The following HMCN1 variants were observed in gnomAD, a reference collection of about 807,000 sequenced individuals.
HMCN1 encodes hemicentin-1.
A neutral mutation model predicts 625.9 loss-of-function variants in HMCN1; 321 were observed. The observed-to-expected ratio is 0.51, with a 90% CI of 0.47 to 0.56. HMCN1 has a LOEUF of 0.56. Among genes scored for constraint, HMCN1 ranks in the 20% least tolerant of loss-of-function variants. The pLI is 0.00. For missense variants in HMCN1, 6,588 were observed against 6,887.3 expected, an observed-to-expected ratio of 0.96 and a Z score of 1.54; for synonymous variants, 2,425 against 2,417.6, an observed-to-expected ratio of 1.00 and a Z score of -0.09.
chr1:186,015,526 G>C (rs1046298208), intron 31 of HMCN1, 89 bp downstream of exon 31: 13 of 1,298,802 alleles, frequency 1.0e-5, no homozygotes, highest in Admixed American at 5.1e-5. Context: ...ATAGTCCTTG[G>C]TGGGTTTGTC....
chr1:186,103,668 G>C lies in HMCN1; in HGVS notation c.10770G>C (p.Gln3590His), dbSNP rs910173796. Reference protein sequence around the residue: ...GGEVLRISTAQVEDTGRYTCL... With the variant: ...GGEVLRISTAHVEDTGRYTCL... ...AGGTTCTTCGAATTTCTACTGCTCAGGTAAGTGTCAAAGTTCATAGAATTA... is the reference window on the plus strand; with the variant it reads ...AGGTTCTTCGAATTTCTACTGCTCACGTAAGTGTCAAAGTTCATAGAATTA... The change falls in exon 69 of 107, where the codon CAG (glutamine) becomes CAC (histidine). Residue 3590 changes from glutamine to histidine, a missense_variant and splice_region_variant. By Grantham distance (24) the Gln-to-His change is conservative (BLOSUM62 0). This residue lies in a region of HMCN1 where 4,628 missense variants were observed against 4,853.1 expected (regional missense o/e 0.95). Transcript: ENST00000271588. The C allele has an allele frequency of 6.2e-7, 1 of 1,612,760 alleles. No individual in the cohort carries two copies. Among genetic ancestry groups the C allele is most frequent in the African/African-American group, 1.3e-5 (1 of 74,880 alleles).
At chr1:185,786,347 A>G (rs1179396845) in intron 1 of HMCN1, among the ~76,000 whole-genome samples, 1 of 152,114 alleles carries the variant, frequency 6.6e-6, no homozygotes, top group Admixed American at 6.6e-5. Context: ...TTGTTTTCCC[A>G]TTAATGTTGA....
Position 186,190,731 on chromosome 1 carries a change from C to G in HMCN1, c.*853C>G, listed in dbSNP as rs1653674828. 1 of 196,398 alleles carries G rather than the reference C, an allele frequency of 5.1e-6. No homozygotes were observed. 12.2% of individuals were successfully genotyped at this position (196,398 alleles called of 1,614,324 possible). Reference sequence around the variant, plus strand: ...TGGTTTTTTAAAAATCTCATGTGTTCAAATTAACATAAATATTACACGTCA... The same window carrying G: ...TGGTTTTTTAAAAATCTCATGTGTTGAAATTAACATAAATATTACACGTCA... On this transcript the variant is annotated 3_prime_UTR_variant, in exon 107 of 107. Transcript: ENST00000271588.
Position 186,048,289 on chromosome 1 carries a change from G to A in HMCN1, c.6481-454G>A, listed in dbSNP as rs138659199. Among the ~76,000 whole-genome samples the A allele has an allele frequency of 5.9e-5, 9 of 152,238 alleles. No homozygotes were observed. The East Asian group carries it at 1.7e-3, about 29-fold the overall frequency. ...GCACCAAACTGGGTAGTAGAAGAAT[G>A]AGGCTAATGTAATATAATACTTAGC... On this transcript the variant is annotated intron_variant, in intron 41 of 106. Coordinates refer to ENST00000271588, the MANE Select transcript of HMCN1 (RefSeq NM_031935.3).
intron 1 of HMCN1, among the ~76,000 whole-genome samples, chr1:185,814,767 C>G (rs1659742203): frequency 6.7e-6 from 1 of 149,500 alleles, no homozygotes; most frequent in South Asian, 2.1e-4. Context: ...TCTCAGCTCA[C>G]TGCAACTTCC....
chr1:185,888,026 T>C (rs1362549832), intron 4 of HMCN1, among the ~76,000 whole-genome samples: 1 of 140,808 alleles, frequency 7.1e-6, no homozygotes, highest in Non-Finnish European at 1.5e-5. Context: ...GGTATCTCAT[T>C]GTGGTTTTGA....
chr1:186,033,404 G>A (rs957529268), intron 36 of HMCN1, among the ~76,000 whole-genome samples: 1 of 152,112 alleles, frequency 6.6e-6, no homozygotes. Flanking sequence ...ACTTATCCAT[G>A]TAACCAAAAC....
intron 57 of HMCN1, among the ~76,000 whole-genome samples, chr1:186,084,119 C>T (rs568458192): frequency 6.6e-6 from 1 of 152,212 alleles, no homozygotes; most frequent in South Asian, 2.1e-4. Flanking sequence ...GTAGCAGTTC[C>T]ATATGTTGCC....
At chr1:185,759,936 A>G (rs1230222995) in intron 1 of HMCN1, among the ~76,000 whole-genome samples, 1 of 152,210 alleles carries the variant, frequency 6.6e-6, no homozygotes, top group Non-Finnish European at 1.5e-5. Flanking sequence ...ATTATTAATA[A>G]CACCAATTGT....
chr1:185,783,099 T>C (rs1247027484), intron 1 of HMCN1, among the ~76,000 whole-genome samples: 2 of 152,236 alleles, frequency 1.3e-5, no homozygotes, highest in African/African-American at 4.8e-5. Context: ...ATTCATTTGA[T>C]CTTCAATCAC....
intron 86 of HMCN1, among the ~76,000 whole-genome samples, chr1:186,135,308 T>G (rs1482370271): frequency 6.6e-6 from 1 of 152,200 alleles, no homozygotes; most frequent in African/African-American, 2.4e-5. Context: ...TTTATCCTGA[T>G]TTTCTTCCTA....
intron 49 of HMCN1, among the ~76,000 whole-genome samples, chr1:186,065,780 T>C (rs1658071145): frequency 6.6e-6 from 1 of 152,158 alleles, no homozygotes; most frequent in African/African-American, 2.4e-5. Flanking sequence ...GACTTAGCCA[T>C]TATTGGAAAT....
At chr1:186,090,944 A>G (rs1341434319) in intron 64 of HMCN1, 27 bp downstream of exon 64, 15 of 1,602,688 alleles carry the variant, frequency 9.4e-6, no homozygotes, top group Admixed American at 3.3e-5. Context: ...TCTTTCCATT[A>G]TAAATTGTAA....
chr1:186,031,415 A>T (rs1233035617), intron 36 of HMCN1, among the ~76,000 whole-genome samples: 1 of 150,918 alleles, frequency 6.6e-6, no homozygotes, highest in Non-Finnish European at 1.5e-5. Flanking sequence ...TACATAAGTC[A>T]CTTCTCTCTT....
intron 42 of HMCN1, among the ~76,000 whole-genome samples, chr1:186,050,761 T>C (rs1656897461): frequency 6.6e-6 from 1 of 152,040 alleles, no homozygotes; most frequent in Non-Finnish European, 1.5e-5. Flanking sequence ...AAAGATAGAT[T>C]CACTTAAAAA....
chr1:186,010,222 G>A (rs1488848414), intron 30 of HMCN1, among the ~76,000 whole-genome samples: 2 of 151,714 alleles, frequency 1.3e-5, no homozygotes, highest in African/African-American at 4.8e-5. Flanking sequence ...TGTGTGTGGG[G>A]GTACATGGGT....
chr1:186,047,843 A>G (rs568773803), intron 41 of HMCN1, among the ~76,000 whole-genome samples: 5 of 152,024 alleles, frequency 3.3e-5, no homozygotes, highest in Non-Finnish European at 7.4e-5. Flanking sequence ...TTCCAGCTCT[A>G]TTGTTCACAC....
At chr1:185,923,904 C>G (rs1667129568) in intron 8 of HMCN1, among the ~76,000 whole-genome samples, 1 of 152,170 alleles carries the variant, frequency 6.6e-6, no homozygotes, top group Admixed American at 6.5e-5. Flanking sequence ...AGAGCTGGAA[C>G]TGGAAAATTC....
At chr1:185,923,165 T>C (rs1024430509) in intron 7 of HMCN1, among the ~76,000 whole-genome samples, 6 of 152,206 alleles carry the variant, frequency 3.9e-5, no homozygotes, top group Non-Finnish European at 8.8e-5. Context: ...TAATTTTTTT[T>C]ACATGTAAAC....
Sources: gnomAD v4.1 joint callset for allele counts (sites outside exome capture counted in the v4.1 genomes callset) on GRCh38, gnomAD v4.1.1 for gene constraint, gnomAD v4.1.1 regional missense constraint, MANE v1.5 for transcripts, NCBI Gene and HGNC (gene_info 2026-07-23, HGNC 2026-07-21) for gene names.